Variants in SLC36A3 observed in about 807,000 individuals in gnomAD.
The protein encoded by SLC36A3 is solute carrier family 36 member 3.
SLC36A3 carries 35 observed loss-of-function variants against 44.3 expected under a neutral mutation model. That is an observed-to-expected ratio of 0.79 (90% CI 0.60 to 1.05). The LOEUF is 1.05. Among genes scored for constraint, SLC36A3 ranks in the 50% least tolerant of loss-of-function variants. The probability of loss-of-function intolerance (pLI) is 0.00; values close to 1 mark genes in which losing one functional copy is unlikely to be tolerated. For synonymous variants in SLC36A3, 211 were observed against 227.6 expected (o/e 0.93, Z 0.66); for missense variants, 540 against 578.7 (o/e 0.93, Z 0.69).
intron 3 of SLC36A3, among the ~76,000 whole-genome samples, chr5:151,294,969 G>A (rs1312397411): frequency 6.6e-6 from 1 of 151,760 alleles, no homozygotes; most frequent in African/African-American, 2.4e-5. Context: ...AAATAAAACT[G>A]TGAAGTCCCC....
chr5:151,286,761 C>G (rs1320934341), intron 6 of SLC36A3, among the ~76,000 whole-genome samples: 5 of 152,046 alleles, frequency 3.3e-5, no homozygotes, highest in African/African-American at 1.2e-4. Context: ...TGCGAAGGTT[C>G]AATAAGTTAA....
chr5:151,303,423 C>G lies in SLC36A3; in HGVS notation c.-69G>C, dbSNP rs1308393029. The G allele has an allele frequency of 6.6e-7, 1 of 1,512,420 alleles. No individual in the cohort carries two copies. The highest frequency in any genetic ancestry group is 8.9e-7 in the Non-Finnish European group (1 of 1,118,568). 93.7% of individuals were successfully genotyped at this position (1,512,420 alleles called of 1,614,324 possible). A position where few individuals can be genotyped will look rare whatever the true frequency, so the allele number is the denominator to read the frequency against. On this transcript the variant is annotated 5_prime_UTR_variant, in exon 1 of 10. Transcript: ENST00000335230. The stretch of plus-strand genomic sequence containing the variant: ...CTGAATGAGCCTCTGATGGGTCTTT[C>G]TCCAGAGAAACCATGGCTGCTGACC...
chr5:151,299,250 CTCTCTCTCTCTCTCTA>C (rs1397642485), intron 1 of SLC36A3, among the ~76,000 whole-genome samples: 103 of 96,116 alleles, frequency 1.1e-3, no homozygotes, highest in African/African-American at 2.7e-3. Flanking sequence ...CTCTCTCTCT[CTCTCTCTCTCTCTCTA>C]TATATATATA....
chr5:151,293,584 A>C, intron 3 of SLC36A3, 125 bp from the exon 4 acceptor site: 1 of 758,124 alleles, frequency 1.3e-6, no homozygotes, highest in Non-Finnish European at 2.1e-6. Flanking sequence ...ATTTTCTCCC[A>C]GTGATCTACT....
intron 2 of SLC36A3, chr5:151,297,505 G>A (rs1754997188): frequency 6.6e-6 from 1 of 152,166 alleles, no homozygotes; most frequent in Non-Finnish European, 1.5e-5. Flanking sequence ...TCACTCCAAG[G>A]AAATGGAATT....
chr5:151,292,158 G>A (rs1254318534), intron 4 of SLC36A3, among the ~76,000 whole-genome samples: 1 of 152,158 alleles, frequency 6.6e-6, no homozygotes, highest in Non-Finnish European at 1.5e-5. Flanking sequence ...ACCACACATG[G>A]CCAAGGAATG....
intron 4 of SLC36A3, among the ~76,000 whole-genome samples, chr5:151,292,066 G>A (rs1754777688): frequency 6.6e-6 from 1 of 151,982 alleles, no homozygotes; most frequent in Non-Finnish European, 1.5e-5. Flanking sequence ...ACGCCATGTT[G>A]GTCAGGCTGG....
chr5:151,288,742 T>TTC (rs1173792242), intron 4 of SLC36A3, among the ~76,000 whole-genome samples: 1 of 151,194 alleles, frequency 6.6e-6, no homozygotes, highest in East Asian at 1.9e-4. Flanking sequence ...GACGAATGAA[T>TTC]ATTCGTCTAT....
rs369431947 is a variant in SLC36A3 at position 151,289,275 on chromosome 5, C to G, written c.405-805G>C. Among the ~76,000 whole-genome samples, 71 of 152,178 alleles carry G rather than the reference C, an allele frequency of 4.7e-4. 1 individual carries two copies. In the South Asian group the frequency reaches 0.014, roughly 29 times the overall value. Reference sequence around the variant, plus strand: ...ATTCAAAATCTGCAGATGCTCAAGTCTCTTACATAAAAATGAGTTAGTATT... The same window carrying G: ...ATTCAAAATCTGCAGATGCTCAAGTGTCTTACATAAAAATGAGTTAGTATT... On this transcript the variant is annotated intron_variant, in intron 4 of 9. Coordinates refer to ENST00000335230, the MANE Select transcript of SLC36A3 (RefSeq NM_181774.4).
In SLC36A3 at chr5:151,281,730, A is replaced by G. The variant is rs149199125; in HGVS notation, c.975-547T>C. On this transcript the variant is annotated intron_variant, in intron 8 of 9. Transcript: ENST00000335230. ...CTACTCGGGAGGCTGAGACAGGAGAATTGCTTGAACCCAGGAGGTGGAGGT... is the reference window on the plus strand; with the variant it reads ...CTACTCGGGAGGCTGAGACAGGAGAGTTGCTTGAACCCAGGAGGTGGAGGT... 7.5e-3 allele frequency among the ~76,000 whole-genome samples: 1,140 copies of G among 152,174 alleles called. 23 individuals carry two copies. Among genetic ancestry groups the G allele is most frequent in the East Asian group, 0.04 (208 of 5,168 alleles).
At chr5:151,280,103 G>A (rs1754251386) in intron 9 of SLC36A3, among the ~76,000 whole-genome samples, 1 of 152,096 alleles carries the variant, frequency 6.6e-6, no homozygotes, top group African/African-American at 2.4e-5. Flanking sequence ...GTGAGTGAAT[G>A]AATGAATTGA....
chr5:151,296,351 G>T, intron 2 of SLC36A3, 83 bp from the exon 3 acceptor site: 2 of 1,174,358 alleles, frequency 1.7e-6, no homozygotes, highest in Non-Finnish European at 2.5e-6. Context: ...GCGTGCTGGG[G>T]CCTGTTGCAT....
At chr5:151,297,178 A>G (rs1007886403) in intron 2 of SLC36A3, 6 of 152,244 alleles carry the variant, frequency 3.9e-5, no homozygotes, top group Admixed American at 3.9e-4. Context: ...ATAGGTGCTC[A>G]ATAAATATTT....
rs555193890 is a variant in SLC36A3 at position 151,290,514 on chromosome 5, C to G, written c.405-2044G>C. Among the ~76,000 whole-genome samples the G allele has an allele frequency of 3.3e-5, 5 of 152,332 alleles. No individual in the cohort carries two copies. The East Asian group carries it at 9.6e-4, about 29-fold the overall frequency. ...AACAATGAACTTTTTGCCACTTGTT[C>G]TCTATCTCTTCAGCCCCATCACACA... On this transcript the variant is annotated intron_variant, in intron 4 of 9. Transcript: ENST00000335230.
At position 151,293,475 on chromosome 5, in the gene SLC36A3, A is replaced by C. The variant is rs370011965; in HGVS notation, c.309-16T>G. The C allele has an allele frequency of 1.9e-6, 3 of 1,595,682 alleles. No homozygotes were observed. Among genetic ancestry groups the C allele is most frequent in the African/African-American group, 1.3e-5 (1 of 74,660 alleles). ...CTTCTGCAGTCTAGGGGGAAAGAACAAACAATGCATAATTTAAAACATTTT... is the reference window on the plus strand; with the variant it reads ...CTTCTGCAGTCTAGGGGGAAAGAACCAACAATGCATAATTTAAAACATTTT... On this transcript the variant is annotated splice_polypyrimidine_tract_variant and intron_variant, in intron 3 of 9. Transcript: ENST00000335230.
chr5:151,300,275 AC>A (rs1032881998), intron 1 of SLC36A3, among the ~76,000 whole-genome samples: 1 of 152,158 alleles, frequency 6.6e-6, no homozygotes, highest in African/African-American at 2.4e-5. Flanking sequence ...GCTGTAACCA[AC>A]CAGGTCTTTG....
chr5:151,288,167 C>G (rs1754615140), intron 5 of SLC36A3, among the ~76,000 whole-genome samples: 1 of 152,230 alleles, frequency 6.6e-6, no homozygotes, highest in African/African-American at 2.4e-5. Flanking sequence ...TTGCAGGCCT[C>G]TCTTTCTACC....
chr5:151,299,249 T>C (rs1445574924), intron 1 of SLC36A3, among the ~76,000 whole-genome samples: 24 of 95,758 alleles, frequency 2.5e-4, no homozygotes, highest in African/African-American at 1.1e-3. Flanking sequence ...TCTCTCTCTC[T>C]CTCTCTCTCT....
chr5:151,286,081 G>A (rs1754525331), intron 6 of SLC36A3, among the ~76,000 whole-genome samples: 1 of 152,170 alleles, frequency 6.6e-6, no homozygotes, highest in African/African-American at 2.4e-5. Flanking sequence ...GTGGGATTTC[G>A]TGGTCTGTGA....
Sources: allele counts gnomAD v4.1 joint callset (sites outside exome capture counted in the v4.1 genomes callset), GRCh38; gene constraint gnomAD v4.1.1; transcripts MANE v1.5; gene names NCBI Gene and HGNC (gene_info 2026-07-23, HGNC 2026-07-21).